SHISA6: variants seen among roughly 807,000 people sequenced by gnomAD.
SHISA6 encodes shisa family member 6, also known as protein shisa-6.
SHISA6 carries 22 observed loss-of-function variants against 47.9 expected under a neutral mutation model. The ratio of observed to expected loss-of-function variants is 0.46; its 90% confidence interval spans 0.33 to 0.66. SHISA6 has a LOEUF of 0.66. Among genes scored for constraint, SHISA6 ranks in the 30% least tolerant of loss-of-function variants. The pLI is 0.02. For missense variants in SHISA6, 680 were observed against 764.6 expected (o/e 0.89, Z 1.30); for synonymous variants, 388 against 337.8 (o/e 1.15, Z -1.63).
chr17:11,402,812 G>A (rs919042704), intron 3 of SHISA6, among the ~76,000 whole-genome samples: 1 of 152,216 alleles, frequency 6.6e-6, no homozygotes, highest in Non-Finnish European at 1.5e-5. Context: ...GAGGCACTGA[G>A]GCAGGCCTCA....
intron 3 of SHISA6, among the ~76,000 whole-genome samples, chr17:11,486,112 C>G (rs75512258): frequency 0.065 from 9,861 of 152,222 alleles, 346 homozygotes; most frequent in East Asian, 0.11. Flanking sequence ...AGGCCTCTGC[C>G]GCAGCTCACT....
intron 1 of SHISA6, among the ~76,000 whole-genome samples, chr17:11,255,569 C>T (rs545551776): frequency 3.9e-5 from 6 of 152,152 alleles, no homozygotes; most frequent in Non-Finnish European, 8.8e-5. Context: ...GGTGACCTGA[C>T]GGGAAGGAAC....
chr17:11,264,169 G>A (rs1359362595), intron 2 of SHISA6, among the ~76,000 whole-genome samples: 1 of 152,196 alleles, frequency 6.6e-6, no homozygotes, highest in Non-Finnish European at 1.5e-5. Context: ...CAAGGTCACT[G>A]AGATGTTAAT....
chr17:11,407,104 T>C (rs1018820963), intron 3 of SHISA6, among the ~76,000 whole-genome samples: 2 of 152,166 alleles, frequency 1.3e-5, no homozygotes, highest in Admixed American at 6.5e-5. Context: ...CTAGCACTTA[T>C]AGAGCGTTTT....
At chr17:11,540,157 T>C (rs1490866893) in intron 3 of SHISA6, among the ~76,000 whole-genome samples, 1 of 152,178 alleles carries the variant, frequency 6.6e-6, no homozygotes, top group African/African-American at 2.4e-5. Flanking sequence ...TAACGTAGCA[T>C]TTGTCAAAGC....
At chr17:11,498,505 G>A (rs1250728541) in intron 3 of SHISA6, among the ~76,000 whole-genome samples, 1 of 152,208 alleles carries the variant, frequency 6.6e-6, no homozygotes, top group Admixed American at 6.5e-5. Flanking sequence ...AAAATAACTG[G>A]AGGAGAGGAA....
At chr17:11,498,413 T>A (rs1361377547) in intron 3 of SHISA6, among the ~76,000 whole-genome samples, 1 of 152,142 alleles carries the variant, frequency 6.6e-6, no homozygotes, top group African/African-American at 2.4e-5. Flanking sequence ...AGAAGGGAAG[T>A]AAAGAGTTAC....
chr17:11,550,794 T>C (rs2071925553), intron 3 of SHISA6, among the ~76,000 whole-genome samples: 1 of 152,192 alleles, frequency 6.6e-6, no homozygotes, highest in Non-Finnish European at 1.5e-5. Context: ...TTGGGAACTA[T>C]TAATCTGGGC....
intron 3 of SHISA6, among the ~76,000 whole-genome samples, chr17:11,398,889 T>A (rs1913668601): frequency 6.6e-6 from 1 of 151,858 alleles, no homozygotes; most frequent in South Asian, 2.1e-4. Flanking sequence ...CCACACCGGG[T>A]CCCAATAGTA....
chr17:11,250,411 C>G (rs1406120468), intron 1 of SHISA6, among the ~76,000 whole-genome samples: 1 of 152,182 alleles, frequency 6.6e-6, no homozygotes. Context: ...CTGATCAATT[C>G]CTAATGTGCA....
intron 1 of SHISA6, among the ~76,000 whole-genome samples, chr17:11,258,879 TCAGGGACCATTA>T (rs2142142827): frequency 6.6e-6 from 1 of 152,320 alleles, no homozygotes; most frequent in East Asian, 1.9e-4. Context: ...AATCTTGTGT[TCAGGGACCATTA>T]CAGGGACATA....
At chr17:11,419,515 T>A (rs1423331407) in intron 3 of SHISA6, among the ~76,000 whole-genome samples, 5 of 152,196 alleles carry the variant, frequency 3.3e-5, no homozygotes, top group Non-Finnish European at 7.3e-5. Context: ...TCTGCTGTAG[T>A]TAGATTACGT....
intron 3 of SHISA6, among the ~76,000 whole-genome samples, chr17:11,424,785 C>T (rs766621864): frequency 1.1e-4 from 16 of 151,860 alleles, no homozygotes; most frequent in Admixed American, 2.0e-4. Context: ...AGGTGGATCA[C>T]GAGGTCAGGA....
At chr17:11,263,697 T>C (rs2142146772) in intron 2 of SHISA6, among the ~76,000 whole-genome samples, 171 bp downstream of exon 2, 1 of 152,230 alleles carries the variant, frequency 6.6e-6, no homozygotes, top group South Asian at 2.1e-4. Context: ...GAGTTTGGAA[T>C]GGGCAAGACT....
intron 2 of SHISA6, among the ~76,000 whole-genome samples, chr17:11,332,378 C>T (rs528488452): frequency 4.6e-5 from 7 of 152,226 alleles, no homozygotes; most frequent in Non-Finnish European, 8.8e-5. Context: ...GCTTTCTGTC[C>T]GTCCTTATGG....
chr17:11,299,023 C>T (rs1324136338), intron 2 of SHISA6, among the ~76,000 whole-genome samples: 1 of 152,190 alleles, frequency 6.6e-6, no homozygotes. Flanking sequence ...CACTAAAAGT[C>T]ATGGCGAAAA....
chr17:11,547,451 C>T (rs2071892787), intron 3 of SHISA6, among the ~76,000 whole-genome samples: 1 of 152,156 alleles, frequency 6.6e-6, no homozygotes, highest in African/African-American at 2.4e-5. Context: ...TTTTAACACT[C>T]TACTAAATAA....
chr17:11,258,744 G>A (rs1433442569), intron 1 of SHISA6, among the ~76,000 whole-genome samples: 3 of 152,204 alleles, frequency 2.0e-5, no homozygotes, highest in African/African-American at 7.2e-5. Flanking sequence ...TGCTAAAATA[G>A]TGTAAAAGGT....
At chr17:11,529,825 C>A (rs1567630702) in intron 3 of SHISA6, among the ~76,000 whole-genome samples, 2 of 152,144 alleles carry the variant, frequency 1.3e-5, no homozygotes, top group South Asian at 2.1e-4. Flanking sequence ...AAATTAATTA[C>A]CCTAATAGGG....
Sources: gnomAD v4.1 joint callset for allele counts (sites outside exome capture counted in the v4.1 genomes callset) on GRCh38, gnomAD v4.1.1 for gene constraint, MANE v1.5 for transcripts, NCBI Gene and HGNC (gene_info 2026-07-23, HGNC 2026-07-21) for gene names.